Variants in GABPB1 observed in about 807,000 individuals in gnomAD.
The protein encoded by GABPB1 is GA-binding protein subunit beta-1.
GABPB1 carries 15 observed loss-of-function variants against 45.9 expected under a neutral mutation model. The ratio of observed to expected loss-of-function variants is 0.33; its 90% CI spans 0.22 to 0.50. The LOEUF is 0.50. GABPB1 is among the 20% of genes least tolerant of loss of function. The probability of loss-of-function intolerance (pLI) is 0.98; values close to 1 mark genes in which losing one functional copy is unlikely to be tolerated. For missense variants in GABPB1, 252 were observed against 457.5 expected, an observed-to-expected ratio of 0.55 and a Z score of 4.10; for synonymous variants, 143 against 154.4, an observed-to-expected ratio of 0.93 and a Z score of 0.55.
intron 1 of GABPB1, among the ~76,000 whole-genome samples, chr15:50,320,015 C>T (rs1032844665): frequency 3.3e-5 from 5 of 152,128 alleles, no homozygotes; most frequent in South Asian, 2.1e-4. Context: ...AACACATACA[C>T]ACAATGCTTA....
intron 3 of GABPB1, among the ~76,000 whole-genome samples, chr15:50,303,568 G>A (rs1037883860): frequency 3.3e-5 from 5 of 151,802 alleles, no homozygotes; most frequent in Non-Finnish European, 7.4e-5. Context: ...TGTAGTCCCA[G>A]CTACTCGGGA....
intron 2 of GABPB1, among the ~76,000 whole-genome samples, chr15:50,306,035 A>G (rs1028508477): frequency 6.6e-6 from 1 of 151,644 alleles, no homozygotes; most frequent in Non-Finnish European, 1.5e-5. Flanking sequence ...AATGCAGTGG[A>G]GCTATCGTAG....
At chr15:50,281,457 C>CAATTAG (rs2045974263) in intron 8 of GABPB1, among the ~76,000 whole-genome samples, 1 of 152,124 alleles carries the variant, frequency 6.6e-6, no homozygotes, top group African/African-American at 2.4e-5. Flanking sequence ...GTGATCTGCC[C>CAATTAG]GCCTTGGCCT....
intron 8 of GABPB1, among the ~76,000 whole-genome samples, chr15:50,285,467 A>G (rs1257196890): frequency 6.6e-6 from 1 of 152,182 alleles, no homozygotes; most frequent in Non-Finnish European, 1.5e-5. Context: ...AAATTTATTT[A>G]CAGTCAGTCA....
chr15:50,304,118 G>T lies in GABPB1; in HGVS notation c.124C>A (p.Leu42Ile). 6.3e-7 allele frequency: 1 copy of T among 1,592,788 alleles called. No homozygotes were observed. The highest frequency in any genetic ancestry group is 8.5e-7 in the Non-Finnish European group (1 of 1,172,242). The change falls in exon 3 of 9, where the codon CTT becomes ATT. Residue 42 changes from leucine (L) to isoleucine (I), a missense_variant. By Grantham distance (5) the Leu-to-Ile change is conservative. Coordinates refer to ENST00000380877, the MANE Select transcript of GABPB1 (RefSeq NM_016654.5). ...FTTDWLGTSP[L>I]HLAAQYGHYS... ...TGACCATACTGTGCTGCTAGATGAA[G>T]TGGAGAAGTTCCCAGCTGTACCACA...
At chr15:50,290,116 T>A (rs138488887) in intron 6 of GABPB1, among the ~76,000 whole-genome samples, 75 of 152,278 alleles carry the variant, frequency 4.9e-4, no homozygotes, top group Admixed American at 4.7e-3. Context: ...GTTTTAAAAC[T>A]CAGTCGCCAG....
chr15:50,317,702 G>A (rs961326512), intron 1 of GABPB1, among the ~76,000 whole-genome samples: 1 of 152,078 alleles, frequency 6.6e-6, no homozygotes, highest in African/African-American at 2.4e-5. Context: ...GAGGTCAGGA[G>A]ATTGACACCA....
chr15:50,323,662 C>T lies in GABPB1; in HGVS notation c.1-13864G>A, dbSNP rs1300185563. On this transcript the variant is annotated intron_variant, in intron 1 of 8. Transcript: ENST00000380877. ...ATCCCTTGAGCCCAGAAGCTCAAGA[C>T]CAGCCTGGGCAACACACAGAGAGAT... Among the ~76,000 whole-genome samples the T allele has an allele frequency of 3.9e-5, 6 of 152,102 alleles. 1 individual carries two copies. Among genetic ancestry groups the T allele is most frequent in the East Asian group, 1.9e-4 (1 of 5,184 alleles).
intron 1 of GABPB1, among the ~76,000 whole-genome samples, chr15:50,317,705 T>G (rs898058399): frequency 1.3e-5 from 2 of 151,964 alleles, no homozygotes; most frequent in Non-Finnish European, 1.5e-5. Flanking sequence ...GTCAGGAGAT[T>G]GACACCATCC....
At chr15:50,287,549 A>C (rs1464302857) in intron 7 of GABPB1, among the ~76,000 whole-genome samples, 1 of 152,208 alleles carries the variant, frequency 6.6e-6, no homozygotes, top group Non-Finnish European at 1.5e-5. Flanking sequence ...ACTGAGGTAG[A>C]CCATGTGAGG....
At chr15:50,302,779 G>C in intron 4 of GABPB1, 150 bp downstream of exon 4, 1 of 566,282 alleles carries the variant, frequency 1.8e-6, no homozygotes, top group Non-Finnish European at 3.1e-6. Context: ...TAAACAAAGA[G>C]GAAGTGAAAG....
At chr15:50,354,187 C>T (rs533727319) in intron 1 of GABPB1, 58 of 342,390 alleles carry the variant, frequency 1.7e-4, no homozygotes, top group African/African-American at 1.3e-3. Flanking sequence ...TGAACTGTGC[C>T]CTGGCAGAGA....
At chr15:50,339,992 A>ATT (rs2048292606) in intron 1 of GABPB1, among the ~76,000 whole-genome samples, 2 of 152,198 alleles carry the variant, frequency 1.3e-5, no homozygotes, top group Non-Finnish European at 2.9e-5. Flanking sequence ...TCCCCACAAA[A>ATT]TTAACATGTT....
At position 50,300,900 on chromosome 15, in the gene GABPB1, C is replaced by T. The variant is rs2046716303; in HGVS notation, c.586G>A (p.Glu196Lys). The change falls in exon 6 of 9, where the codon GAA (glutamate) becomes AAA (lysine). Residue 196 changes from glutamate (E) to lysine (K), a missense_variant and splice_region_variant. Coordinates refer to ENST00000380877, the MANE Select transcript of GABPB1 (RefSeq NM_016654.5). Reference protein sequence around the residue: ...GPGGVVNLTDETGVSAVQFGN... With the variant: ...GPGGVVNLTDKTGVSAVQFGN... ...AACTGAACAGCAGATACACCCGTTTCATCTGTAAGAAAAAAGAAAATAGAT... is the reference window on the plus strand; with the variant it reads ...AACTGAACAGCAGATACACCCGTTTTATCTGTAAGAAAAAAGAAAATAGAT... The T allele has an allele frequency of 1.3e-6, 2 of 1,569,400 alleles. No individual in the cohort carries two copies. Among genetic ancestry groups the T allele is most frequent in the Admixed American group, 1.7e-5 (1 of 59,528 alleles).
chr15:50,322,202 T>C (rs1217179868), intron 1 of GABPB1, among the ~76,000 whole-genome samples: 1 of 152,024 alleles, frequency 6.6e-6, no homozygotes, highest in Non-Finnish European at 1.5e-5. Flanking sequence ...TCAATGACAG[T>C]AGATCAAATC....
chr15:50,302,247 A>T (rs1271119738), intron 4 of GABPB1, among the ~76,000 whole-genome samples: 2 of 152,204 alleles, frequency 1.3e-5, no homozygotes, highest in African/African-American at 2.4e-5. Context: ...TCAAGGAATG[A>T]TATTATGGTT....
At chr15:50,345,234 T>C (rs1198546229) in intron 1 of GABPB1, among the ~76,000 whole-genome samples, 3 of 152,308 alleles carry the variant, frequency 2.0e-5, no homozygotes, top group East Asian at 1.9e-4. Context: ...AACACATATA[T>C]ACTAGCTGAA....
intron 1 of GABPB1, among the ~76,000 whole-genome samples, chr15:50,342,148 T>C (rs1406478671): frequency 1.3e-5 from 2 of 152,212 alleles, no homozygotes; most frequent in Non-Finnish European, 1.5e-5. Context: ...AGTTCAGACA[T>C]TACCTCCTCC....
chr15:50,307,900 T>C (rs2047001655), intron 2 of GABPB1, among the ~76,000 whole-genome samples: 1 of 152,196 alleles, frequency 6.6e-6, no homozygotes, highest in Non-Finnish European at 1.5e-5. Context: ...TTTGCTCTTT[T>C]TGTGGATCTA....
Sources: gnomAD v4.1 joint callset for allele counts (sites outside exome capture counted in the v4.1 genomes callset) on GRCh38, gnomAD v4.1.1 for gene constraint, MANE v1.5 for transcripts, NCBI Gene and HGNC (gene_info 2026-07-23, HGNC 2026-07-21) for gene names.